ZFHX3: variants seen among roughly 807,000 people sequenced by gnomAD.
ZFHX3 encodes the protein zinc finger homeobox protein 3.
Under a neutral mutation model 279.1 loss-of-function variants are expected in ZFHX3, and 42 were observed. The ratio of observed to expected loss-of-function variants is 0.15; its 90% CI spans 0.12 to 0.19. ZFHX3 has a LOEUF of 0.19. ZFHX3 is among the 10% of genes least tolerant of loss of function. The pLI is 1.00. For synonymous variants in ZFHX3, 2,293 were observed against 1,957.8 expected (o/e 1.17, Z -4.52); for missense variants, 4,981 against 4,754.0 (o/e 1.05, Z -1.40).
Position 72,959,097 on chromosome 16 carries a change from G to A in ZFHX3, c.1049C>T (p.Pro350Leu), listed in dbSNP as rs983979744. 1.9e-6 allele frequency: 3 copies of A among 1,614,232 alleles called. No homozygotes were observed. The highest frequency in any genetic ancestry group is 2.5e-6 in the Non-Finnish European group (3 of 1,180,048). The change falls in exon 2 of 10, where the codon CCT becomes CTT. Residue 350 changes from proline (P) to leucine (L), a missense_variant. By Grantham distance (98) the Pro-to-Leu change is moderately conservative. This residue lies in a region of ZFHX3 where 1,068 missense variants were observed against 935.2 expected (regional missense o/e 1.14). Transcript: ENST00000268489. ...TATGAGGTTAGCTGTGGAAACTAAA[G>A]GGTGTTGAAAGTTTTTGTTTTTTGG... ...LEPKNKNFQH[P>L]LVSTANLIGP...
At chr16:73,717,180 A>C (rs867612854) in intron 1 of ZFHX3, among the ~76,000 whole-genome samples, 1 of 152,198 alleles carries the variant, frequency 6.6e-6, no homozygotes, top group Non-Finnish European at 1.5e-5. Flanking sequence ...ACTTCTCCCC[A>C]GGGGGCTAAT....
chr16:72,818,653 G>C (rs552668443), intron 5 of ZFHX3, among the ~76,000 whole-genome samples: 3 of 152,136 alleles, frequency 2.0e-5, no homozygotes, highest in African/African-American at 7.2e-5. Flanking sequence ...AGCAGGGGGC[G>C]GTCTTCAGGC....
At chr16:73,681,466 C>A (rs1278077179) in intron 1 of ZFHX3, among the ~76,000 whole-genome samples, 1 of 152,076 alleles carries the variant, frequency 6.6e-6, no homozygotes, top group Admixed American at 6.6e-5. Context: ...TGAGAAAGGG[C>A]AGGGCTAATC....
chr16:73,172,050 G>C (rs61229665), intron 5 of ZFHX3, among the ~76,000 whole-genome samples: 1 of 152,182 alleles, frequency 6.6e-6, no homozygotes, highest in Non-Finnish European at 1.5e-5. Flanking sequence ...GTCCTGCCCA[G>C]ACTCGCCAGC....
intron 3 of ZFHX3, among the ~76,000 whole-genome samples, chr16:73,450,924 T>A (rs1468852935): frequency 6.6e-6 from 1 of 152,200 alleles, no homozygotes; most frequent in Non-Finnish European, 1.5e-5. Flanking sequence ...TCTGTTGAGC[T>A]TCATGAGTAT....
At chr16:73,012,657 AAAGAG>A (rs772681108) in intron 1 of ZFHX3, among the ~76,000 whole-genome samples, 1 of 152,190 alleles carries the variant, frequency 6.6e-6, no homozygotes, top group Non-Finnish European at 1.5e-5. Flanking sequence ...GACAAAGACA[AAAGAG>A]AAGAGGAGAG....
intron 4 of ZFHX3, among the ~76,000 whole-genome samples, chr16:72,889,508 A>G (rs1450779477): frequency 6.6e-6 from 1 of 151,638 alleles, no homozygotes; most frequent in East Asian, 1.9e-4. Context: ...AAAAAAAAGA[A>G]GAAGAAGAAG....
chr16:73,349,911 C>T lies in ZFHX3; in HGVS notation c.-1290-31575G>A, dbSNP rs556876684. 3.5e-4 allele frequency among the ~76,000 whole-genome samples: 52 copies of T among 148,228 alleles called. 1 individual carries two copies. The South Asian group carries it at 0.011, about 32-fold the overall frequency. Reference sequence around the variant, plus strand: ...ACTCCCCTTCTTCTTCCCTCCCTTCCCCTCCTTTTTCCTTTCCTCTCCTTT... The same window carrying T: ...ACTCCCCTTCTTCTTCCCTCCCTTCTCCTCCTTTTTCCTTTCCTCTCCTTT... On this transcript the variant is annotated intron_variant, in intron 3 of 17. Coordinates refer to the ZFHX3 transcript ENST00000641206.
At chr16:73,850,725 G>A (rs570106938) in intron 1 of ZFHX3, among the ~76,000 whole-genome samples, 1 of 151,278 alleles carries the variant, frequency 6.6e-6, no homozygotes, top group South Asian at 2.1e-4. Flanking sequence ...CCAGGGCCGT[G>A]GCTTGAGAGA....
intron 7 of ZFHX3, among the ~76,000 whole-genome samples, chr16:73,128,832 T>C (rs767532755): frequency 1.3e-5 from 2 of 152,182 alleles, no homozygotes; most frequent in Non-Finnish European, 2.9e-5. Context: ...TTCCTTAGCA[T>C]TAGAAGAGAC....
chr16:73,662,618 C>A (rs1444903526), intron 2 of ZFHX3, among the ~76,000 whole-genome samples: 2 of 152,048 alleles, frequency 1.3e-5, no homozygotes, highest in African/African-American at 4.8e-5. Flanking sequence ...TGAGAGATGC[C>A]AGATAAATTT....
chr16:73,329,366 A>G (rs1597286736), intron 3 of ZFHX3, among the ~76,000 whole-genome samples: 2 of 152,254 alleles, frequency 1.3e-5, no homozygotes, highest in Non-Finnish European at 1.5e-5. Flanking sequence ...TGTGTCGACT[A>G]TATTTTCGAG....
intron 5 of ZFHX3, among the ~76,000 whole-genome samples, chr16:73,173,363 C>A (rs1482644597): frequency 6.7e-6 from 1 of 150,080 alleles, no homozygotes; most frequent in Non-Finnish European, 1.5e-5. Context: ...CAGGTATTTT[C>A]CCCCCGCCCC....
chr16:73,727,148 G>T (rs2053525594), intron 1 of ZFHX3, among the ~76,000 whole-genome samples: 1 of 152,182 alleles, frequency 6.6e-6, no homozygotes, highest in Non-Finnish European at 1.5e-5. Flanking sequence ...CCAGAGAGGG[G>T]ACCAGATGCA....
chr16:73,058,185 CGCCGGCG>C (rs1237403208), intron 1 of ZFHX3, among the ~76,000 whole-genome samples: 1 of 144,264 alleles, frequency 6.9e-6, no homozygotes, highest in African/African-American at 2.5e-5. Context: ...TCCCGGGGGT[CGCCGGCG>C]GCCGGCGGCG....
intron 1 of ZFHX3, among the ~76,000 whole-genome samples, chr16:73,009,160 T>A (rs541915199): frequency 6.6e-6 from 1 of 152,244 alleles, no homozygotes; most frequent in Non-Finnish European, 1.5e-5. Flanking sequence ...CTTGTGCTTA[T>A]AAGCATCATA....
At chr16:73,652,782 GAAAAT>G (rs2052683865) in intron 2 of ZFHX3, among the ~76,000 whole-genome samples, 1 of 151,916 alleles carries the variant, frequency 6.6e-6, no homozygotes, top group Admixed American at 6.5e-5. Flanking sequence ...ATAAAAGAAT[GAAAAT>G]AAAGTGTATT....
chr16:73,033,900 A>G (rs1454671162), intron 1 of ZFHX3, among the ~76,000 whole-genome samples: 2 of 152,208 alleles, frequency 1.3e-5, no homozygotes, highest in African/African-American at 4.8e-5. Flanking sequence ...AGAAGACTCC[A>G]GGACTTCCCG....
At chr16:73,502,328 A>C (rs922884652) in intron 2 of ZFHX3, among the ~76,000 whole-genome samples, 3 of 152,210 alleles carry the variant, frequency 2.0e-5, no homozygotes, top group Non-Finnish European at 4.4e-5. Flanking sequence ...ATTGGTTAAG[A>C]AACTTGGAAA....
Sources: gnomAD v4.1 joint callset for allele counts (sites outside exome capture counted in the v4.1 genomes callset) on GRCh38, gnomAD v4.1.1 for gene constraint, gnomAD v4.1.1 regional missense constraint, MANE v1.5 for transcripts, NCBI Gene and HGNC (gene_info 2026-07-23, HGNC 2026-07-21) for gene names.